The following FLT1 variants were observed in gnomAD, a reference collection of about 807,000 sequenced individuals.
FLT1 encodes the protein vascular endothelial growth factor receptor 1.
Under a neutral mutation model 156.3 loss-of-function variants are expected in FLT1, and 49 were observed. The ratio of observed to expected loss-of-function variants is 0.31; its 90% CI spans 0.25 to 0.40. The LOEUF is 0.40. Ranked by LOEUF, FLT1 falls within the 10% of genes least tolerant of loss-of-function variation. The pLI is 1.00. For synonymous variants in FLT1, 594 were observed against 583.8 expected (o/e 1.02, Z -0.25); for missense variants, 1,322 against 1,637.2 (o/e 0.81, Z 3.32).
chr13:28,317,541 C>T lies in FLT1; in HGVS notation c.3343G>A (p.Glu1115Lys), dbSNP rs776861138. ...TCAGGAGCTCTCATCCTCATGCCTTCCCTCAGGCGACTGCAAAAGTCCTCA... is the reference window on the plus strand; with the variant it reads ...TCAGGAGCTCTCATCCTCATGCCTTTCCTCAGGCGACTGCAAAAGTCCTCA... ...MDEDFCSRLR[E>K]GMRMRAPEYS... The change falls in exon 25 of 30, where the codon GAA (glutamate) becomes AAA (lysine). Residue 1115 changes from glutamate to lysine, a missense_variant. Coordinates refer to ENST00000282397, the MANE Select transcript of FLT1 (RefSeq NM_002019.4). 6.2e-7 allele frequency: 1 copy of T among 1,613,954 alleles called. No homozygotes were observed. Among genetic ancestry groups the T allele is most frequent in the South Asian group, 1.1e-5 (1 of 91,066 alleles).
chr13:28,356,738 T>G (rs987808331), intron 15 of FLT1, among the ~76,000 whole-genome samples: 1 of 152,250 alleles, frequency 6.6e-6, no homozygotes, highest in Non-Finnish European at 1.5e-5. Context: ...GGTTAGCATT[T>G]GGAAATAGGC....
intron 29 of FLT1, 130 bp from the exon 30 acceptor site, chr13:28,303,498 C>CA (rs987598452): frequency 1.4e-5 from 11 of 797,790 alleles, no homozygotes; most frequent in South Asian, 4.6e-5. Context: ...TGGAACCCCC[C>CA]CCCCCTCAAT....
At chr13:28,377,708 A>G (rs1209923297) in intron 14 of FLT1, among the ~76,000 whole-genome samples, 1 of 152,256 alleles carries the variant, frequency 6.6e-6, no homozygotes, top group Non-Finnish European at 1.5e-5. Flanking sequence ...GGCTGATAGG[A>G]CATGCATTCT....
At chr13:28,340,603 C>A (rs1872296546) in intron 16 of FLT1, among the ~76,000 whole-genome samples, 1 of 152,116 alleles carries the variant, frequency 6.6e-6, no homozygotes, top group African/African-American at 2.4e-5. Flanking sequence ...GGGGCCCTTC[C>A]TTTTGGTGCT....
At chr13:28,486,856 G>A (rs1416834038) in intron 1 of FLT1, among the ~76,000 whole-genome samples, 1 of 152,186 alleles carries the variant, frequency 6.6e-6, no homozygotes, top group Non-Finnish European at 1.5e-5. Context: ...ATTGGCATTT[G>A]GGCAGGTGCC....
chr13:28,481,528 G>C (rs1880854618), intron 1 of FLT1, among the ~76,000 whole-genome samples: 1 of 151,502 alleles, frequency 6.6e-6, no homozygotes, highest in South Asian at 2.1e-4. Flanking sequence ...ATGACTCCTA[G>C]AAGGGCCTCA....
In FLT1 at chr13:28,466,957, C is replaced by T. The variant is rs2137622156; in HGVS notation, c.334G>A (p.Val112Ile). ...TGFYSCKYLA[V>I]PTSKKKETES... Reference sequence around the variant, plus strand: ...GTTTCCTTCTTCTTTGAAGTAGGTACAGCTAGATATTTGCAGCTGTAGAAG... The same window carrying T: ...GTTTCCTTCTTCTTTGAAGTAGGTATAGCTAGATATTTGCAGCTGTAGAAG... The change falls in exon 3 of 30, where the codon GTA becomes ATA. Residue 112 changes from valine (V) to isoleucine (I), a missense_variant. Coordinates refer to ENST00000282397, the MANE Select transcript of FLT1 (RefSeq NM_002019.4). 10 of 1,614,054 alleles carry T rather than the reference C, an allele frequency of 6.2e-6. No homozygotes were observed. Among genetic ancestry groups the T allele is most frequent in the Non-Finnish European group, 8.5e-6 (10 of 1,179,914 alleles).
intron 12 of FLT1, among the ~76,000 whole-genome samples, chr13:28,394,080 A>C (rs1302559277): frequency 6.6e-6 from 1 of 152,228 alleles, no homozygotes; most frequent in Non-Finnish European, 1.5e-5. Flanking sequence ...TACAACATTC[A>C]TGAGTCTTTA....
In FLT1 at chr13:28,427,795, C is replaced by A. The variant is rs756158785; in HGVS notation, c.1233G>T (p.Gln411His). 2 of 1,613,958 alleles carry A rather than the reference C, an allele frequency of 1.2e-6. No homozygotes were observed. The highest frequency in any genetic ancestry group is 1.7e-6 in the Non-Finnish European group (2 of 1,179,884). ...GNYTILLSIK[Q>H]SNVFKNLTAT... is the part of the protein sequence containing the mutation. ...CAGTGAGGTTTTTAAACACATTTGA[C>A]TGTTTTATGCTCAGCAAGATTGTAT... The change falls in exon 9 of 30, where the codon CAG (glutamine) becomes CAT (histidine). Residue 411 changes from glutamine (Q) to histidine (H), a missense_variant. Physicochemically the swap from Gln to His is conservative, Grantham distance 24. Transcript: ENST00000282397.
At chr13:28,436,333 A>G (rs1878020215) in intron 4 of FLT1, among the ~76,000 whole-genome samples, 1 of 152,224 alleles carries the variant, frequency 6.6e-6, no homozygotes. Context: ...AAATTAGAAG[A>G]AAAGGGACAA....
At chr13:28,437,570 G>A (rs973009862) in intron 4 of FLT1, among the ~76,000 whole-genome samples, 3 of 152,170 alleles carry the variant, frequency 2.0e-5, no homozygotes, top group African/African-American at 4.8e-5. Context: ...TCTTACTGCT[G>A]ATTAATTAGC....
chr13:28,357,295 T>G (rs1457728186), intron 15 of FLT1, among the ~76,000 whole-genome samples: 1 of 152,122 alleles, frequency 6.6e-6, no homozygotes, highest in Non-Finnish European at 1.5e-5. Context: ...TGGGTTTCCT[T>G]TCTTCTGGGA....
rs1566050878 is a variant in FLT1, at chr13:28,473,822, GAAA to G, written c.65-6208_65-6206del. On this transcript the variant is annotated intron_variant, in intron 1 of 29. Transcript: ENST00000282397. ...AGAAAGAAAGAAAGAAAGAAAGAAA[GAAA>G]GAAAGAAAGAAAGGAAGAAAGAAAG... 2.2e-3 allele frequency among the ~76,000 whole-genome samples: 277 copies of G among 123,432 alleles called. 7 individuals carry two copies. The highest frequency in any genetic ancestry group is 4.4e-3 in the South Asian group (18 of 4,052). The allele number at this position is 123,432 out of a possible 152,430, so 81.0% of individuals were successfully genotyped here. A position where few individuals can be genotyped will look rare whatever the true frequency, so the allele number is the denominator to read the frequency against.
intron 12 of FLT1, among the ~76,000 whole-genome samples, chr13:28,396,279 T>C (rs1875036250): frequency 6.6e-6 from 1 of 152,214 alleles, no homozygotes; most frequent in Non-Finnish European, 1.5e-5. Context: ...GTTGGCTTAC[T>C]GCCCATGTTT....
intron 14 of FLT1, among the ~76,000 whole-genome samples, chr13:28,372,076 A>ATATATATTTTTTT (rs1257431752): frequency 1.1e-3 from 13 of 11,744 alleles, no homozygotes; most frequent in Non-Finnish European, 2.0e-3. Context: ...ATATATATAT[A>ATATATATTTTTTT]TTTTTTTTTT....
At chr13:28,403,063 G>A (rs1287330203) in intron 11 of FLT1, among the ~76,000 whole-genome samples, 1 of 152,130 alleles carries the variant, frequency 6.6e-6, no homozygotes, top group East Asian at 1.9e-4. Context: ...CAAAGTGTTG[G>A]GATTACAGGC....
chr13:28,387,177 C>T (rs771990488), intron 13 of FLT1: 30 of 1,035,042 alleles, frequency 2.9e-5, no homozygotes, highest in Admixed American at 5.7e-5. Context: ...GGCTGCAGAA[C>T]GTACATGGGA....
intron 19 of FLT1, 42 bp from the exon 20 acceptor site, chr13:28,327,592 G>A: frequency 1.5e-6 from 2 of 1,361,716 alleles, no homozygotes; most frequent in Non-Finnish European, 2.1e-6. Flanking sequence ...GCCACACCAA[G>A]CCAGTCAGCC....
intron 15 of FLT1, among the ~76,000 whole-genome samples, chr13:28,350,866 G>T (rs962501119): frequency 2.0e-5 from 3 of 151,684 alleles, no homozygotes; most frequent in Admixed American, 1.3e-4. Context: ...CTGCTTGCCT[G>T]CCTTCCTTCC....
Sources: gnomAD v4.1 joint callset for allele counts (sites outside exome capture counted in the v4.1 genomes callset) on GRCh38, gnomAD v4.1.1 for gene constraint, MANE v1.5 for transcripts, NCBI Gene and HGNC (gene_info 2026-07-23, HGNC 2026-07-21) for gene names.